DDR2: variants seen among roughly 807,000 people sequenced by gnomAD.
The protein encoded by DDR2 is discoidin domain receptor tyrosine kinase 2, also known as discoidin domain-containing receptor 2.
A neutral mutation model predicts 94.9 loss-of-function variants in DDR2; 27 were observed. The ratio of observed to expected loss-of-function variants is 0.28; its 90% CI spans 0.21 to 0.39. The LOEUF (loss-of-function observed/expected upper bound fraction) is 0.39. Ranked by LOEUF, DDR2 falls within the 10% of genes least tolerant of loss-of-function variation. The probability of loss-of-function intolerance (pLI) is 1.00; values close to 1 mark genes in which losing one functional copy is unlikely to be tolerated. For synonymous variants in DDR2, 382 were observed against 377.2 expected (o/e 1.01, Z -0.15); for missense variants, 783 against 1,076.0 (o/e 0.73, Z 3.81).
At chr1:162,641,976 A>T (rs1657150137) in intron 1 of DDR2, among the ~76,000 whole-genome samples, 1 of 152,006 alleles carries the variant, frequency 6.6e-6, no homozygotes, top group Non-Finnish European at 1.5e-5. Flanking sequence ...TTTGAGACAG[A>T]GTCTCTCCCT....
At chr1:162,713,760 TTC>T (rs1369786956) in intron 2 of DDR2, among the ~76,000 whole-genome samples, 6 of 152,208 alleles carry the variant, frequency 3.9e-5, no homozygotes, top group Non-Finnish European at 1.5e-5. Context: ...GTAGACATTT[TTC>T]TAAGTTTTTG....
chr1:162,742,702 T>G (rs1662671779), intron 3 of DDR2, among the ~76,000 whole-genome samples: 1 of 152,038 alleles, frequency 6.6e-6, no homozygotes, highest in Non-Finnish European at 1.5e-5. Context: ...TGATGGTGTA[T>G]TAATCCATTT....
At chr1:162,650,487 T>G (rs1657634747) in intron 1 of DDR2, among the ~76,000 whole-genome samples, 1 of 152,026 alleles carries the variant, frequency 6.6e-6, no homozygotes, top group South Asian at 2.1e-4. Flanking sequence ...TCTCAGCTAC[T>G]CAGGAGGCTG....
intron 2 of DDR2, among the ~76,000 whole-genome samples, chr1:162,669,428 A>G (rs1307662008): frequency 1.3e-5 from 2 of 152,370 alleles, no homozygotes; most frequent in African/African-American, 4.8e-5. Flanking sequence ...TGAAATGTAA[A>G]TGGGAAACAA....
At chr1:162,719,552 A>C (rs777714757) in intron 3 of DDR2, among the ~76,000 whole-genome samples, 18 of 152,266 alleles carry the variant, frequency 1.2e-4, no homozygotes, top group Non-Finnish European at 1.0e-4. Context: ...ATGTCCTGTT[A>C]TGCTTTTGGG....
chr1:162,776,250 C>T lies in DDR2; in HGVS notation c.2163C>T (p.Asn721=), dbSNP rs764117026. 2 of 1,613,770 alleles carry T rather than the reference C, an allele frequency of 1.2e-6. No individual in the cohort carries two copies. Among genetic ancestry groups the T allele is most frequent in the African/African-American group, 2.7e-5 (2 of 74,830 alleles). The change falls in exon 16 of 18, where the codon AAC becomes AAT. Residue 721 remains asparagine (N), a synonymous_variant. Transcript: ENST00000367921. ...CACGAAACTGTTTAGTGGGTAAGAA[C>T]TACACAATCAAGATAGCTGACTTTG... ...LATRNCLVGK[N]YTIKIADFGM... is the part of the protein sequence containing the mutation.
rs16844160 is a variant in DDR2 at position 162,730,915 on chromosome 1, A to G, written c.82+11770A>G. ...AAACTCTGCTAATTTTGTCCCGTAG[A>G]GACCGTCTGCTAGTGCCAAACCCGG... On this transcript the variant is annotated intron_variant, in intron 3 of 17. Transcript: ENST00000367921. Among the ~76,000 whole-genome samples, 11 of 152,196 alleles carry G rather than the reference A, an allele frequency of 7.2e-5. 1 individual carries two copies. The highest frequency in any genetic ancestry group is 2.1e-4 in the South Asian group (1 of 4,824).
At chr1:162,686,200 A>AT (rs559610554) in intron 2 of DDR2, among the ~76,000 whole-genome samples, 72,394 of 150,272 alleles carry the variant, frequency 0.48, 21,194 homozygotes, top group Middle Eastern at 0.65. Context: ...TAATTTTTGT[A>AT]TTTTTTTTTT....
At chr1:162,779,870 C>A (rs1647798941) in intron 17 of DDR2, among the ~76,000 whole-genome samples, 1 of 152,058 alleles carries the variant, frequency 6.6e-6, no homozygotes, top group African/African-American at 2.4e-5. Flanking sequence ...CATAATGGCC[C>A]ATCAAAAAAT....
chr1:162,695,472 C>G (rs565954562), intron 2 of DDR2, among the ~76,000 whole-genome samples: 2 of 152,252 alleles, frequency 1.3e-5, no homozygotes, highest in African/African-American at 4.8e-5. Flanking sequence ...CTCAAGTTAT[C>G]CACCTGCCTC....
rs73016569 is a variant in DDR2, at chr1:162,654,452, A to T, written c.-191-759A>T. ...CAAAGCAACACCCTGTCTAAAGAAT[A>T]CAACAGCAAACAAACAAACAAAAAA... On this transcript the variant is annotated intron_variant, in intron 1 of 17. Coordinates refer to ENST00000367921, the MANE Select transcript of DDR2 (RefSeq NM_006182.4). Among the ~76,000 whole-genome samples, 1,242 of 152,324 alleles carry T rather than the reference A, an allele frequency of 8.2e-3. 26 individuals carry two copies. Among genetic ancestry groups the T allele is most frequent in the African/African-American group, 0.028 (1,167 of 41,558 alleles).
intron 3 of DDR2, among the ~76,000 whole-genome samples, chr1:162,748,359 TGA>T: frequency 6.6e-6 from 1 of 152,136 alleles, no homozygotes; most frequent in Non-Finnish European, 1.5e-5. Context: ...TCCTAGTCTC[TGA>T]TAAAACAGAC....
intron 17 of DDR2, 99 bp from the exon 18 acceptor site, chr1:162,780,013 G>C (rs1168857902): frequency 6.4e-7 from 1 of 1,564,966 alleles, no homozygotes; most frequent in African/African-American, 1.4e-5. Flanking sequence ...TGGGCAGGGG[G>C]CAAATCAAAC....
At chr1:162,670,811 T>G (rs1229280177) in intron 2 of DDR2, among the ~76,000 whole-genome samples, 1 of 152,182 alleles carries the variant, frequency 6.6e-6, no homozygotes, top group Non-Finnish European at 1.5e-5. Context: ...GTAAGTGGCT[T>G]CTCTCTGATT....
intron 2 of DDR2, among the ~76,000 whole-genome samples, chr1:162,668,237 A>C (rs965792435): frequency 1.3e-5 from 2 of 152,238 alleles, no homozygotes; most frequent in African/African-American, 4.8e-5. Context: ...CACTGGAAGT[A>C]AAGGTACTGT....
Position 162,785,426 on chromosome 1 carries a change from G to T in DDR2, c.*5180G>T, listed in dbSNP as rs972367397. On this transcript the variant is annotated 3_prime_UTR_variant, in exon 18 of 18. Transcript: ENST00000367921. ...AGAGGTTTTATTTGCCTAAATAGCCGTTATTAAATGGAATAACAACCACAT... is the reference window on the plus strand; with the variant it reads ...AGAGGTTTTATTTGCCTAAATAGCCTTTATTAAATGGAATAACAACCACAT... 6.6e-6 allele frequency: 1 copy of T among 152,208 alleles called. No homozygotes were observed. Among genetic ancestry groups the T allele is most frequent in the African/African-American group, 2.4e-5 (1 of 41,434 alleles). 9.4% of individuals were successfully genotyped at this position (152,208 alleles called of 1,614,324 possible).
At chr1:162,730,841 T>A (rs1400571836) in intron 3 of DDR2, among the ~76,000 whole-genome samples, 1 of 152,188 alleles carries the variant, frequency 6.6e-6, no homozygotes, top group Non-Finnish European at 1.5e-5. Flanking sequence ...TTGGCACATG[T>A]GCTGAGTGAG....
At chr1:162,770,682 T>C in intron 12 of DDR2, 170 bp downstream of exon 12, 1 of 751,932 alleles carries the variant, frequency 1.3e-6, no homozygotes, top group Non-Finnish European at 2.4e-6. Flanking sequence ...TGGCCTAATT[T>C]GAGCAACTCT....
At chr1:162,724,041 T>G (rs1045304879) in intron 3 of DDR2, among the ~76,000 whole-genome samples, 13 of 152,240 alleles carry the variant, frequency 8.5e-5, no homozygotes, top group African/African-American at 2.9e-4. Flanking sequence ...GTCAGGCAAC[T>G]AGAATTCTAG....
Sources: allele counts gnomAD v4.1 joint callset (sites outside exome capture counted in the v4.1 genomes callset), GRCh38; gene constraint gnomAD v4.1.1; transcripts MANE v1.5; gene names NCBI Gene and HGNC (gene_info 2026-07-23, HGNC 2026-07-21).